IFI16: variants seen among roughly 807,000 people sequenced by gnomAD.
IFI16 encodes the protein interferon gamma inducible protein 16.
A neutral mutation model predicts 68.4 loss-of-function variants in IFI16; 49 were observed. The ratio of observed to expected loss-of-function variants is 0.72; its 90% CI spans 0.57 to 0.91. The LOEUF (loss-of-function observed/expected upper bound fraction) is 0.91, where lower values mean the gene tolerates loss of function less well. Among genes scored for constraint, IFI16 ranks in the 40% least tolerant of loss-of-function variants. The probability of loss-of-function intolerance (pLI) is 0.00; values close to 1 mark genes in which losing one functional copy is unlikely to be tolerated. For synonymous variants in IFI16, 307 were observed against 315.0 expected (o/e 0.97, Z 0.27); for missense variants, 878 against 942.9 (o/e 0.93, Z 0.90).
chr1:159,045,445 G>C lies in IFI16; in HGVS notation c.1478G>C (p.Ser493Thr), dbSNP rs1372803983. 5 of 1,595,212 alleles carry C rather than the reference G, an allele frequency of 3.1e-6. 1 individual carries two copies. Among genetic ancestry groups the C allele is most frequent in the Non-Finnish European group, 4.3e-6 (5 of 1,169,824 alleles). ...HTPQMPPSTP[S>T]SSFLTTKSED... The stretch of plus-strand genomic sequence containing the variant: ...CCTCAGATGCCTCCATCAACACCAA[G>C]CAGCAGTTTCTTAACCACGGTACAA... The change falls in exon 8 of 12, where the codon AGC becomes ACC. Residue 493 changes from serine (S) to threonine (T), a missense_variant. Around this residue, in one of 4 missense-constraint regions of IFI16, gnomAD observed 59 missense variants for 119.0 expected, o/e 0.50. Coordinates refer to ENST00000295809, the MANE Select transcript of IFI16 (RefSeq NM_001376587.1).
Position 159,016,119 on chromosome 1 carries a change from T to C in IFI16, c.381+132T>C. The C allele has an allele frequency of 1.3e-5, 8 of 639,650 alleles. No homozygotes were observed. In the South Asian group the frequency reaches 1.5e-4, roughly 12 times the overall value. The allele number at this position is 639,650 out of a possible 1,614,324, so 39.6% of individuals were successfully genotyped here. ...CAAGTTTCAGATTTACCAAATTGTA[T>C]GATAATTGATCATCTTATTGATGCT... On this transcript the variant is annotated intron_variant, in intron 3 of 11. Coordinates refer to ENST00000295809, the MANE Select transcript of IFI16 (RefSeq NM_001376587.1).
At chr1:159,029,429 C>T (rs937766954) in intron 6 of IFI16, among the ~76,000 whole-genome samples, 3 of 152,098 alleles carry the variant, frequency 2.0e-5, no homozygotes, top group Non-Finnish European at 2.9e-5. Context: ...TTCTTTTCTC[C>T]GTCTTGACTT....
At chr1:159,022,659 A>G (rs993552280) in intron 6 of IFI16, among the ~76,000 whole-genome samples, 2 of 152,228 alleles carry the variant, frequency 1.3e-5, no homozygotes, top group South Asian at 2.1e-4. Flanking sequence ...GCTATGACCT[A>G]ATGCTTGCTT....
At chr1:159,031,515 G>A (rs1341436420) in intron 6 of IFI16, among the ~76,000 whole-genome samples, 1 of 152,160 alleles carries the variant, frequency 6.6e-6, no homozygotes, top group African/African-American at 2.4e-5. Flanking sequence ...GGCTCTTCCC[G>A]CTGCTTCCTC....
At chr1:159,029,814 G>C (rs1353871535) in intron 6 of IFI16, among the ~76,000 whole-genome samples, 2 of 151,830 alleles carry the variant, frequency 1.3e-5, no homozygotes, top group Non-Finnish European at 2.9e-5. Context: ...CCAAGTAGCT[G>C]GGATTACAGG....
intron 10 of IFI16, chr1:159,053,270 AG>A (rs1655470573): frequency 3.5e-6 from 1 of 288,252 alleles, no homozygotes. Context: ...ATGTGGAAAC[AG>A]GAAGAATTAG....
intron 7 of IFI16, among the ~76,000 whole-genome samples, chr1:159,038,942 C>T (rs1417793237): frequency 2.6e-5 from 4 of 152,128 alleles, no homozygotes; most frequent in African/African-American, 9.7e-5. Context: ...ACAGCCAACA[C>T]GTGAGTTTCC....
At chr1:159,025,080 T>C (rs1386126884) in intron 6 of IFI16, among the ~76,000 whole-genome samples, 4 of 152,204 alleles carry the variant, frequency 2.6e-5, no homozygotes, top group Non-Finnish European at 4.4e-5. Context: ...GGGTGGTACC[T>C]GTGCTAAAAG....
chr1:159,006,416 C>T (rs190330129), upstream of IFI16, among the ~76,000 whole-genome samples: 9 of 152,184 alleles, frequency 5.9e-5, no homozygotes, highest in Admixed American at 4.6e-4. Context: ...GGGTCTATGC[C>T]GGACACGAAC....
chr1:159,030,866 A>G (rs994550924), intron 6 of IFI16, among the ~76,000 whole-genome samples: 3 of 31,808 alleles, frequency 9.4e-5, no homozygotes, highest in African/African-American at 3.1e-4. Flanking sequence ...TGAGTTTCTC[A>G]GGTGGTGGGT....
At chr1:159,002,735 A>G (rs1452376519), upstream of IFI16, among the ~76,000 whole-genome samples, 1 of 152,194 alleles carries the variant, frequency 6.6e-6, no homozygotes, top group Non-Finnish European at 1.5e-5. Context: ...CTGTACTCCT[A>G]CCACCTAGAG....
chr1:159,019,552 G>A (rs112639982), intron 5 of IFI16, among the ~76,000 whole-genome samples: 1 of 151,480 alleles, frequency 6.6e-6, no homozygotes, highest in African/African-American at 2.4e-5. Flanking sequence ...TTCGCCTCCT[G>A]GGTTCAGGCG....
At chr1:159,008,142 A>C (rs1042151297), upstream of IFI16, among the ~76,000 whole-genome samples, 21 of 152,178 alleles carry the variant, frequency 1.4e-4, no homozygotes, top group Non-Finnish European at 2.8e-4. Flanking sequence ...TTTGTCATAA[A>C]GAGAGAAATG....
chr1:159,051,847 C>A lies in IFI16; in HGVS notation c.1834C>A (p.Arg612=). The change falls in exon 10 of 12, where the codon CGA becomes AGA. Residue 612 remains arginine (R), a synonymous_variant. Transcript: ENST00000295809. ...AGTGGCAACTGAGAATGAAGTCTTC[C>A]GAGTGAAGGTTTTTAATATTGACCT... is the stretch of plus-strand genomic sequence containing the variant. The part of the protein sequence containing the change: ...ATVATENEVF[R]VKVFNIDLKE... 1 of 1,614,038 alleles carries A rather than the reference C, an allele frequency of 6.2e-7. No homozygotes were observed. Among genetic ancestry groups the A allele is most frequent in the Non-Finnish European group, 8.5e-7 (1 of 1,179,934 alleles).
In IFI16 at chr1:159,014,794, A is replaced by T; in HGVS notation, c.114A>T (p.Lys38Asn). 6.2e-7 allele frequency: 1 copy of T among 1,614,026 alleles called. No individual in the cohort carries two copies. Residue 38 changes from lysine to asparagine, a missense_variant, in exon 2 of 12, where the codon AAA becomes AAT. Transcript: ENST00000295809. The part of the protein sequence containing the change: ...LLSNDLKLNL[K>N]MREEYDKIQI... The stretch of plus-strand genomic sequence containing the variant: ...GCAACGATTTAAAACTTAATTTAAA[A>T]ATGAGAGAAGAGTATGACAAAATTC...
chr1:159,004,990 A>T (rs1652200116), upstream of IFI16, among the ~76,000 whole-genome samples: 1 of 152,240 alleles, frequency 6.6e-6, no homozygotes, highest in South Asian at 2.1e-4. Flanking sequence ...TAATGTTGAA[A>T]CTTAGTACCC....
chr1:159,016,359 G>A (rs576664238), intron 3 of IFI16, among the ~76,000 whole-genome samples, 174 bp from the exon 4 acceptor site: 33 of 152,226 alleles, frequency 2.2e-4, no homozygotes, highest in East Asian at 2.1e-3. Flanking sequence ...CTCTTTCTTC[G>A]TTTAATGAAA....
Position 159,052,012 on chromosome 1 carries a change from A to C in IFI16, c.1999A>C (p.Arg667=). ...RNMEIPKGLI[R]SASVTPKINQ... ...CATGGAGATCCCAAAAGGATTGATTAGAAGTGCCAGCGTAACTCCTAAAAT... is the reference window on the plus strand; with the variant it reads ...CATGGAGATCCCAAAAGGATTGATTCGAAGTGCCAGCGTAACTCCTAAAAT... Residue 667 remains arginine, a synonymous_variant, in exon 10 of 12, where the codon AGA becomes CGA. Coordinates refer to ENST00000295809, the MANE Select transcript of IFI16 (RefSeq NM_001376587.1). 1.2e-6 allele frequency: 2 copies of C among 1,614,098 alleles called. No individual in the cohort carries two copies. Among genetic ancestry groups the C allele is most frequent in the Non-Finnish European group, 1.7e-6 (2 of 1,179,954 alleles).
intron 9 of IFI16, among the ~76,000 whole-genome samples, chr1:159,050,038 C>G (rs1157622959): frequency 6.6e-6 from 1 of 152,174 alleles, no homozygotes; most frequent in Non-Finnish European, 1.5e-5. Flanking sequence ...AAATCTCTAT[C>G]TAATGCCACA....
Sources: gnomAD v4.1 joint callset for allele counts (sites outside exome capture counted in the v4.1 genomes callset) on GRCh38, gnomAD v4.1.1 for gene constraint, gnomAD v4.1.1 regional missense constraint, MANE v1.5 for transcripts, NCBI Gene and HGNC (gene_info 2026-07-23, HGNC 2026-07-21) for gene names.